TXNRD1: variants seen among roughly 807,000 people sequenced by gnomAD.
TXNRD1 encodes the protein thioredoxin reductase 1.
Under a neutral mutation model 80.3 loss-of-function variants are expected in TXNRD1, and 57 were observed. The observed-to-expected ratio is 0.71, with a 90% confidence interval of 0.57 to 0.89. The LOEUF is 0.89. TXNRD1 is among the 40% of genes least tolerant of loss of function. The probability of loss-of-function intolerance (pLI) is 0.00; values close to 1 mark genes in which losing one functional copy is unlikely to be tolerated. For missense variants in TXNRD1, 730 were observed against 803.0 expected, an observed-to-expected ratio of 0.91 and a Z score of 1.10; for synonymous variants, 291 against 285.2, an observed-to-expected ratio of 1.02 and a Z score of -0.20.
At chr12:104,278,232 G>T (rs1206523045) in intron 3 of TXNRD1, among the ~76,000 whole-genome samples, 4 of 105,474 alleles carry the variant, frequency 3.8e-5, no homozygotes, top group Admixed American at 1.2e-4. Context: ...ACGGAGTCTT[G>T]CTCTGTCGCC....
intron 15 of TXNRD1, among the ~76,000 whole-genome samples, chr12:104,335,783 TA>T (rs35445270): frequency 6.4e-4 from 97 of 152,312 alleles, no homozygotes; most frequent in African/African-American, 2.3e-3. Flanking sequence ...AGTAAACTGA[TA>T]ATGTTTTAAT....
rs772102204 is a variant in TXNRD1 at position 104,288,908 on chromosome 12, C to T, written c.305-23C>T. 1.2e-5 allele frequency: 20 copies of T among 1,613,954 alleles called. No individual in the cohort carries two copies. The Admixed American group carries it at 3.3e-4, about 27-fold the overall frequency. ...CGGGGGAGAAGCACCTTACACGCTC[C>T]GCTCTGCTTTTGTGCCACACAGAGG... On this transcript the variant is annotated intron_variant, in intron 3 of 16. Coordinates refer to ENST00000525566, the MANE Select transcript of TXNRD1 (RefSeq NM_001093771.3).
rs916225164 is a variant in TXNRD1 at position 104,224,934 on chromosome 12, T to C, written c.91+9041T>C. The C allele has an allele frequency of 5.3e-5, 24 of 456,378 alleles. No homozygotes were observed. The Admixed American group carries it at 5.6e-4, about 11-fold the overall frequency. The allele number at this position is 456,378 out of a possible 1,614,324, so 28.3% of individuals were successfully genotyped here. ...TGCCATTGTTATGAGGGTGAGAGAA[T>C]GCAGATTTTTTACAGTGTATTTCCA... On this transcript the variant is annotated intron_variant, in intron 1 of 16. Coordinates refer to ENST00000525566, the MANE Select transcript of TXNRD1 (RefSeq NM_001093771.3).
chr12:104,240,693 G>T (rs1209039299), intron 1 of TXNRD1, among the ~76,000 whole-genome samples: 1 of 151,554 alleles, frequency 6.6e-6, no homozygotes, highest in Non-Finnish European at 1.5e-5. Flanking sequence ...ATCAGAAAAA[G>T]CACCTACATT....
chr12:104,332,690 A>G (rs896165674), intron 14 of TXNRD1, among the ~76,000 whole-genome samples: 2 of 146,156 alleles, frequency 1.4e-5, no homozygotes, highest in Non-Finnish European at 3.0e-5. Flanking sequence ...CGGAGGTTGC[A>G]GTGAGCCAAG....
intron 3 of TXNRD1, among the ~76,000 whole-genome samples, chr12:104,270,709 A>G (rs988456873): frequency 1.3e-5 from 2 of 152,174 alleles, no homozygotes; most frequent in African/African-American, 4.8e-5. Flanking sequence ...AGAAAGGGCA[A>G]TGACTAAATA....
At chr12:104,240,485 AAAG>A (rs2032834188) in intron 1 of TXNRD1, among the ~76,000 whole-genome samples, 2 of 152,222 alleles carry the variant, frequency 1.3e-5, no homozygotes, top group African/African-American at 4.8e-5. Context: ...CAATATGAAA[AAAG>A]AACATATTTT....
chr12:104,337,595 G>A (rs1221439901), intron 15 of TXNRD1, among the ~76,000 whole-genome samples: 1 of 151,660 alleles, frequency 6.6e-6, no homozygotes, highest in Non-Finnish European at 1.5e-5. Context: ...AGTGGCTCAC[G>A]CCTGTAATCC....
chr12:104,333,426 G>A (rs2036029232), intron 14 of TXNRD1, among the ~76,000 whole-genome samples: 1 of 152,028 alleles, frequency 6.6e-6, no homozygotes, highest in African/African-American at 2.4e-5. Flanking sequence ...AGTTAGAGCT[G>A]TAACAGCAAT....
At chr12:104,279,952 A>G (rs1412879428) in intron 3 of TXNRD1, among the ~76,000 whole-genome samples, 2 of 149,936 alleles carry the variant, frequency 1.3e-5, no homozygotes, top group Non-Finnish European at 1.5e-5. Flanking sequence ...AGTCCCAGCT[A>G]CTCGAGAGGC....
intron 13 of TXNRD1, among the ~76,000 whole-genome samples, chr12:104,328,470 T>A (rs1174148624): frequency 6.6e-6 from 1 of 151,966 alleles, no homozygotes; most frequent in Non-Finnish European, 1.5e-5. Context: ...AATATCTGTC[T>A]TAGAGGCCAG....
chr12:104,289,030 CA>C lies in TXNRD1; in HGVS notation c.406del (p.Thr136ProfsTer2). The C allele has an allele frequency of 6.2e-7, 1 of 1,613,940 alleles. No individual in the cohort carries two copies. Among genetic ancestry groups the C allele is most frequent in the Non-Finnish European group, 8.5e-7 (1 of 1,179,842 alleles). ...VKQRKIGGHG[P>X]TLKAYQEGRL... ...CAGAGAAAGATAGGCGGCCATGGTC[CA>C]ACCTTGAAGGTAGGAGAGAGTAACG... is the stretch of plus-strand genomic sequence containing the variant. On this transcript the variant is annotated frameshift_variant, in exon 4 of 17. Coordinates refer to ENST00000525566, the MANE Select transcript of TXNRD1 (RefSeq NM_001093771.3). LOFTEE classifies it high-confidence loss of function.
At chr12:104,347,884 G>C (rs538206022) in intron 16 of TXNRD1, among the ~76,000 whole-genome samples, 1 of 152,064 alleles carries the variant, frequency 6.6e-6, no homozygotes, top group African/African-American at 2.4e-5. Context: ...CTTGCCATTT[G>C]CAGGTAAAGC....
In TXNRD1 at chr12:104,319,685, G is replaced by T. The variant is rs560565293; in HGVS notation, c.989+100G>T. 184 of 882,600 alleles carry T rather than the reference G, an allele frequency of 2.1e-4. No homozygotes were observed. The African/African-American group carries it at 2.9e-3, about 14-fold the overall frequency. 54.7% of individuals were successfully genotyped at this position (882,600 alleles called of 1,614,324 possible). A position where few individuals can be genotyped will look rare whatever the true frequency, so the allele number is the denominator to read the frequency against. ...GCGTCAATTTCTTGGGCTTCAGACA[G>T]ATTTCTTTGCCACATTGTGCCCTCT... On this transcript the variant is annotated intron_variant, in intron 9 of 16. Coordinates refer to ENST00000525566, the MANE Select transcript of TXNRD1 (RefSeq NM_001093771.3).
chr12:104,259,574 C>T (rs1278868901), intron 3 of TXNRD1, among the ~76,000 whole-genome samples: 2 of 150,500 alleles, frequency 1.3e-5, no homozygotes, highest in African/African-American at 2.5e-5. Context: ...TCACCGCAAC[C>T]TCCGCCTCCC....
At position 104,319,070 on chromosome 12, in the gene TXNRD1, T is replaced by C; in HGVS notation, c.873+15T>C. ...ACAGGATTAAGGTAATTGTGTGACA[T>C]CCTGACTAGCTTTTTTTTTTTCTTT... On this transcript the variant is annotated intron_variant, in intron 8 of 16. Coordinates refer to ENST00000525566, the MANE Select transcript of TXNRD1 (RefSeq NM_001093771.3). 1 of 1,576,418 alleles carries C rather than the reference T, an allele frequency of 6.3e-7. No homozygotes were observed. The highest frequency in any genetic ancestry group is 8.5e-7 in the Non-Finnish European group (1 of 1,169,788).
intron 3 of TXNRD1, chr12:104,287,514 T>C (rs915817252): frequency 1.6e-5 from 25 of 1,598,496 alleles, no homozygotes; most frequent in Non-Finnish European, 1.8e-5. Flanking sequence ...CTTGAGAATA[T>C]TAAGAAAGTA....
intron 3 of TXNRD1, among the ~76,000 whole-genome samples, chr12:104,285,071 A>G (rs1363946596): frequency 1.3e-5 from 2 of 152,158 alleles, no homozygotes; most frequent in South Asian, 2.1e-4. Context: ...GCTACTTGGG[A>G]GGCTGAGGCA....
chr12:104,331,488 G>T (rs1264704274), intron 13 of TXNRD1, 46 bp from the exon 14 acceptor site: 12 of 1,258,334 alleles, frequency 9.5e-6, no homozygotes, highest in Admixed American at 7.1e-5. Flanking sequence ...TTTTTTTTAA[G>T]TTATAACTTT....
Sources: allele counts gnomAD v4.1 joint callset (sites outside exome capture counted in the v4.1 genomes callset), GRCh38; gene constraint gnomAD v4.1.1; transcripts MANE v1.5; gene names NCBI Gene and HGNC (gene_info 2026-07-23, HGNC 2026-07-21).